The following BRDT variants were observed in gnomAD, a reference collection of about 807,000 sequenced individuals.
BRDT encodes the protein bromodomain testis-specific protein.
In BRDT, 77 loss-of-function variants were observed where a neutral mutation model predicts 113.9. The observed-to-expected ratio is 0.68, with a 90% confidence interval of 0.56 to 0.82. The LOEUF is 0.82. Among genes scored for constraint, BRDT ranks in the 40% least tolerant of loss-of-function variants. BRDT has a pLI of 0.00. For synonymous variants in BRDT, 358 were observed against 366.5 expected (o/e 0.98, Z 0.26); for missense variants, 1,027 against 1,105.4 (o/e 0.93, Z 1.01).
rs568472344 is a variant in BRDT at position 91,994,143 on chromosome 1, C to A, written c.2176C>A (p.Pro726Thr). The A allele has an allele frequency of 6.2e-7, 1 of 1,613,718 alleles. No homozygotes were observed. Among genetic ancestry groups the A allele is most frequent in the South Asian group, 1.1e-5 (1 of 91,034 alleles). Residue 726 changes from proline (P) to threonine (T), a missense_variant, in exon 15 of 19, where the codon CCT (proline) becomes ACT (threonine). Coordinates refer to ENST00000399546, the MANE Select transcript of BRDT (RefSeq NM_207189.4). Reference protein sequence around the residue: ...ANTTLVHQTTPSHVMPPNHHQ... With the variant: ...ANTTLVHQTTTSHVMPPNHHQ... ...TACTACCCTTGTTCATCAGACCACACCTTCACATGTAATGCCACCAAATCA... is the reference window on the plus strand; with the variant it reads ...TACTACCCTTGTTCATCAGACCACAACTTCACATGTAATGCCACCAAATCA...
Position 92,004,630 on chromosome 1 carries a change from T to C in BRDT, c.2594+11T>C. On this transcript the variant is annotated intron_variant, in intron 17 of 18. Coordinates refer to ENST00000399546, the MANE Select transcript of BRDT (RefSeq NM_207189.4). The stretch of plus-strand genomic sequence containing the variant: ...TCAAGAAAATCAGAGGTCTGTAATT[T>C]ACTGGATTAAAGGAGGGTTTGGGAG... The C allele has an allele frequency of 6.3e-7, 1 of 1,588,078 alleles. No individual in the cohort carries two copies. Among genetic ancestry groups the C allele is most frequent in the East Asian group, 2.2e-5 (1 of 44,662 alleles).
In BRDT at chr1:91,979,773, G is replaced by A. The variant is rs767362197; in HGVS notation, c.1287+16G>A. 11 of 1,580,180 alleles carry A rather than the reference G, an allele frequency of 7.0e-6. No homozygotes were observed. The highest frequency in any genetic ancestry group is 8.6e-6 in the Non-Finnish European group (10 of 1,168,364). On this transcript the variant is annotated intron_variant, in intron 8 of 18. Transcript: ENST00000399546. Reference sequence around the variant, plus strand: ...TCAGGAGCAGGTAGTTGATTGTATTGATACAAATTTTGATAATCTATGAGC... The same window carrying A: ...TCAGGAGCAGGTAGTTGATTGTATTAATACAAATTTTGATAATCTATGAGC...
intron 18 of BRDT, among the ~76,000 whole-genome samples, chr1:92,011,199 G>A (rs963909954): frequency 6.6e-6 from 1 of 152,154 alleles, no homozygotes; most frequent in East Asian, 1.9e-4. Flanking sequence ...GCATTTAATA[G>A]TGCTGTACAT....
At chr1:91,991,771 T>C (rs558552632) in intron 13 of BRDT, among the ~76,000 whole-genome samples, 3 of 152,074 alleles carry the variant, frequency 2.0e-5, no homozygotes, top group Admixed American at 2.0e-4. Flanking sequence ...GGCGGGCAGA[T>C]CATGAAGTCA....
chr1:91,994,569 G>A (rs1686094306), intron 15 of BRDT, among the ~76,000 whole-genome samples: 1 of 152,070 alleles, frequency 6.6e-6, no homozygotes, highest in South Asian at 2.1e-4. Flanking sequence ...TAGAAAAGTA[G>A]GAAAGAATAA....
chr1:92,012,194 A>T (rs924352619), intron 18 of BRDT, among the ~76,000 whole-genome samples: 1 of 152,000 alleles, frequency 6.6e-6, no homozygotes, highest in African/African-American at 2.4e-5. Flanking sequence ...GCTACTTAGG[A>T]GGCTGAGGCA....
intron 4 of BRDT, among the ~76,000 whole-genome samples, chr1:91,973,001 G>A (rs1683773736): frequency 6.6e-6 from 1 of 152,160 alleles, no homozygotes; most frequent in Admixed American, 6.6e-5. Flanking sequence ...AGTGGGGATA[G>A]GTAGAGCGAA....
At chr1:91,971,261 A>G (rs1683605813) in intron 4 of BRDT, among the ~76,000 whole-genome samples, 1 of 152,166 alleles carries the variant, frequency 6.6e-6, no homozygotes, top group Non-Finnish European at 1.5e-5. Context: ...CACCACCAAC[A>G]TTGGAGGTCA....
Position 91,965,579 on chromosome 1 carries a change from G to A in BRDT, c.330+815G>A, listed in dbSNP as rs575011733. Among the ~76,000 whole-genome samples, 150 of 152,268 alleles carry A rather than the reference G, an allele frequency of 9.9e-4. No homozygotes were observed. The Middle Eastern group carries it at 0.017, about 17-fold the overall frequency. On this transcript the variant is annotated intron_variant, in intron 3 of 18. Coordinates refer to ENST00000399546, the MANE Select transcript of BRDT (RefSeq NM_207189.4). ...ATCAGATATGTTCTGGCCGGGCACG[G>A]TGGCTCACACCTGTAATCCCAGCAC... is the stretch of plus-strand genomic sequence containing the variant.
chr1:91,991,067 G>A (rs1254013413), intron 12 of BRDT, 117 bp from the exon 13 acceptor site: 3 of 544,544 alleles, frequency 5.5e-6, no homozygotes, highest in African/African-American at 3.9e-5. Flanking sequence ...AAAGTGCTGG[G>A]ATTACAGGCA....
At chr1:91,991,612 A>C (rs1685758328) in intron 13 of BRDT, among the ~76,000 whole-genome samples, 1 of 152,220 alleles carries the variant, frequency 6.6e-6, no homozygotes, top group South Asian at 2.1e-4. Context: ...GGAGAATGGT[A>C]GTTAAGGTTT....
chr1:91,978,278 A>T lies in BRDT; in HGVS notation c.1080A>T (p.Thr360=). The T allele has an allele frequency of 2.5e-6, 4 of 1,614,130 alleles. No individual in the cohort carries two copies. Among genetic ancestry groups the T allele is most frequent in the Non-Finnish European group, 3.4e-6 (4 of 1,180,020 alleles). The change falls in exon 7 of 19, where the codon ACA becomes ACT. Residue 360 remains threonine, a synonymous_variant. Coordinates refer to ENST00000399546, the MANE Select transcript of BRDT (RefSeq NM_207189.4). ...ATCCTCCAGATCACGAAGTTGTGACAATGGCAAGAATGCTTCAGGTGAGCT... is the reference window on the plus strand; with the variant it reads ...ATCCTCCAGATCACGAAGTTGTGACTATGGCAAGAATGCTTCAGGTGAGCT... ...KYNPPDHEVV[T]MARMLQDVFE...
Position 91,981,280 on chromosome 1 carries a change from T to C in BRDT, c.1763T>C (p.Met588Thr). The change falls in exon 11 of 19, where the codon ATG becomes ACG. Residue 588 changes from methionine to threonine, a missense_variant. Physicochemically the swap from Met to Thr is moderately conservative, Grantham distance 81 (BLOSUM62 -1). Coordinates refer to ENST00000399546, the MANE Select transcript of BRDT (RefSeq NM_207189.4). ...RPLKPPAKKIMMSKEELHSQK... is the reference protein window; with the variant it reads ...RPLKPPAKKITMSKEELHSQK... ...CTAAATCACACAGCTAAGAAAATAA[T>C]GATGTCCAAAGAAGAACTTCACTCA... 2.5e-6 allele frequency: 4 copies of C among 1,613,988 alleles called. No individual in the cohort carries two copies. The highest frequency in any genetic ancestry group is 3.4e-6 in the Non-Finnish European group (4 of 1,179,944).
At chr1:91,981,489 C>A (rs772024912) in intron 11 of BRDT, 108 bp downstream of exon 11, 183 of 1,519,282 alleles carry the variant, frequency 1.2e-4, no homozygotes, top group Non-Finnish European at 1.6e-4. Flanking sequence ...ATGTGATCCT[C>A]CACCTTGGCC....
intron 3 of BRDT, among the ~76,000 whole-genome samples, chr1:91,966,939 G>A (rs924473000): frequency 1.3e-5 from 2 of 152,008 alleles, no homozygotes; most frequent in Non-Finnish European, 2.9e-5. Context: ...CGCGGTGGCA[G>A]GCACCTGTAA....
intron 1 of BRDT, among the ~76,000 whole-genome samples, chr1:91,961,185 C>T (rs1008587926): frequency 6.6e-6 from 1 of 152,030 alleles, no homozygotes; most frequent in Non-Finnish European, 1.5e-5. Context: ...GTGGCAGGTG[C>T]CTGTAATCCC....
Position 91,976,273 on chromosome 1 carries a change from A to G in BRDT, c.453A>G (p.Gln151=). 2 of 1,597,598 alleles carry G rather than the reference A, an allele frequency of 1.3e-6. No homozygotes were observed. The highest frequency in any genetic ancestry group is 1.7e-6 in the Non-Finnish European group (2 of 1,174,660). ...GVKERIKKGT[Q]QNIAVSSAKE... is the part of the protein sequence containing the mutation. ...TGGCTCATACTTTTCCAGGCACTCA[A>G]CAGAATATAGCTGTTTCTTCTGCTA... The change falls in exon 5 of 19, where the codon CAA becomes CAG. Residue 151 remains glutamine, a synonymous_variant. Coordinates refer to ENST00000399546, the MANE Select transcript of BRDT (RefSeq NM_207189.4).
At chr1:92,004,005 C>T (rs1007078752) in intron 16 of BRDT, among the ~76,000 whole-genome samples, 2 of 152,228 alleles carry the variant, frequency 1.3e-5, no homozygotes, top group Admixed American at 1.3e-4. Flanking sequence ...TCAACAAACT[C>T]CATGGCATTT....
At chr1:92,014,172 A>G in intron 18 of BRDT, 34 bp from the exon 19 acceptor site, 2 of 1,429,016 alleles carry the variant, frequency 1.4e-6, no homozygotes, top group Admixed American at 2.0e-5. Flanking sequence ...ATACATTTTT[A>G]AAGTAATATT....
Sources: gnomAD v4.1 joint callset for allele counts (sites outside exome capture counted in the v4.1 genomes callset) on GRCh38, gnomAD v4.1.1 for gene constraint, MANE v1.5 for transcripts, NCBI Gene and HGNC (gene_info 2026-07-23, HGNC 2026-07-21) for gene names.